Variants in RAB5A observed in about 807,000 individuals in gnomAD.
RAB5A encodes ras-related protein Rab-5A.
RAB5A carries 8 observed loss-of-function variants against 25.7 expected under a neutral mutation model. The observed-to-expected ratio is 0.31, with a 90% CI of 0.18 to 0.56. The LOEUF is 0.56. Ranked by LOEUF, RAB5A falls within the 20% of genes least tolerant of loss-of-function variation. The probability of loss-of-function intolerance (pLI) is 0.91; values close to 1 mark genes in which losing one functional copy is unlikely to be tolerated. For missense variants in RAB5A, 192 were observed against 259.7 expected, an observed-to-expected ratio of 0.74 and a Z score of 1.79; for synonymous variants, 98 against 89.8, an observed-to-expected ratio of 1.09 and a Z score of -0.52.
chr3:19,983,219 C>G (rs976271649), intron 5 of RAB5A, among the ~76,000 whole-genome samples: 6 of 151,834 alleles, frequency 4.0e-5, no homozygotes, highest in African/African-American at 1.5e-4. Flanking sequence ...GCCTGTAATT[C>G]CAGCTACTCG....
At chr3:19,983,171 T>C (rs1696963656) in intron 5 of RAB5A, among the ~76,000 whole-genome samples, 1 of 151,912 alleles carries the variant, frequency 6.6e-6, no homozygotes, top group African/African-American at 2.4e-5. Flanking sequence ...ACCCCGTCTC[T>C]ACTAAAAAAC....
chr3:19,951,782 C>T (rs1186903955), intron 2 of RAB5A, among the ~76,000 whole-genome samples: 1 of 147,306 alleles, frequency 6.8e-6, no homozygotes, highest in Admixed American at 6.9e-5. Flanking sequence ...AGTGAGCCTC[C>T]AGCCTCAACC....
At position 19,984,659 on chromosome 3, in the gene RAB5A, A is replaced by AT. The variant is rs1696998467; in HGVS notation, c.*836_*837insT. ...TTGACATAATATAGTCAATGCACTA[A>AT]CAATTATGTATATTCAAACTTGATT... On this transcript the variant is annotated 3_prime_UTR_variant, in exon 6 of 6. Transcript: ENST00000273047. The AT allele has an allele frequency of 6.4e-6, 1 of 157,152 alleles. No individual in the cohort carries two copies. Among genetic ancestry groups the AT allele is most frequent in the Non-Finnish European group, 1.4e-5 (1 of 71,268 alleles). The allele number at this position is 157,152 out of a possible 1,614,324, so 9.7% of individuals were successfully genotyped here.
chr3:19,950,855 T>C lies in RAB5A; in HGVS notation c.-44T>C. 1 of 1,560,932 alleles carries C rather than the reference T, an allele frequency of 6.4e-7. No individual in the cohort carries two copies. Among genetic ancestry groups the C allele is most frequent in the Non-Finnish European group, 8.7e-7 (1 of 1,150,876 alleles). On this transcript the variant is annotated 5_prime_UTR_variant, in exon 2 of 6. Transcript: ENST00000273047. ...ATATTGGCCCCTTGAATTCTGGAAG[T>C]TCATTGAAGAGTCTGAAATTAGGGA...
chr3:19,958,549 A>G (rs1350455380), intron 2 of RAB5A, among the ~76,000 whole-genome samples: 2 of 152,226 alleles, frequency 1.3e-5, no homozygotes, highest in Admixed American at 1.3e-4. Flanking sequence ...AACTCTAGGT[A>G]AGGATTCTTG....
At chr3:19,950,454 C>G (rs1696406864) in intron 1 of RAB5A, among the ~76,000 whole-genome samples, 1 of 152,210 alleles carries the variant, frequency 6.6e-6, no homozygotes, top group African/African-American at 2.4e-5. Context: ...TCTGTCACTT[C>G]TGTGACAATA....
chr3:19,952,846 T>A (rs537289297), intron 2 of RAB5A, among the ~76,000 whole-genome samples: 2 of 152,288 alleles, frequency 1.3e-5, no homozygotes, highest in Admixed American at 1.3e-4. Flanking sequence ...AAATACTACT[T>A]CTCAAGAAGG....
rs183136613 is a variant in RAB5A, at chr3:19,954,536, C to T, written c.163+3475C>T. Among the ~76,000 whole-genome samples the T allele has an allele frequency of 4.3e-4, 65 of 152,196 alleles. 1 individual carries two copies. The highest frequency in any genetic ancestry group is 1.5e-3 in the African/African-American group (63 of 41,518). On this transcript the variant is annotated intron_variant, in intron 2 of 5. Coordinates refer to ENST00000273047, the MANE Select transcript of RAB5A (RefSeq NM_004162.5). Reference sequence around the variant, plus strand: ...TAACTTGATTTACGAATTCCTGTTGCGCTGTGTGCGGTGGCTTGCATCTGT... The same window carrying T: ...TAACTTGATTTACGAATTCCTGTTGTGCTGTGTGCGGTGGCTTGCATCTGT...
At chr3:19,976,979 C>T (rs1385409048) in intron 4 of RAB5A, among the ~76,000 whole-genome samples, 1 of 151,960 alleles carries the variant, frequency 6.6e-6, no homozygotes, top group Non-Finnish European at 1.5e-5. Flanking sequence ...CTGAGAAAAT[C>T]CAGTTTTGTA....
chr3:19,976,168 A>C lies in RAB5A; in HGVS notation c.437A>C (p.Gln146Pro). 1 of 1,603,898 alleles carries C rather than the reference A, an allele frequency of 6.2e-7. No homozygotes were observed. Among genetic ancestry groups the C allele is most frequent in the Non-Finnish European group, 8.5e-7 (1 of 1,177,178 alleles). Residue 146 changes from glutamine to proline, a missense_variant and splice_region_variant, in exon 4 of 6, where the codon CAG (glutamine) becomes CCG (proline). By Grantham distance (76) the Gln-to-Pro change is moderately conservative. Transcript: ENST00000273047. ...DLANKRAVDFQEAQSYADDNS... is the reference protein window; with the variant it reads ...DLANKRAVDFPEAQSYADDNS... ...GCAAATAAAAGAGCAGTAGATTTCC[A>C]GGTATGTTAAATTTAACTCTCATTT...
Position 19,983,992 on chromosome 3 carries a change from C to T in RAB5A, c.*169C>T, listed in dbSNP as rs1696983334. ...GTGTTTTGAACTTAATTTTTAATAA[C>T]ATGCATGGGTCCCTCTCACTAATGT... On this transcript the variant is annotated 3_prime_UTR_variant, in exon 6 of 6. Transcript: ENST00000273047. 1.8e-6 allele frequency: 1 copy of T among 571,010 alleles called. No homozygotes were observed. The highest frequency in any genetic ancestry group is 3.2e-6 in the Non-Finnish European group (1 of 315,000). The allele number at this position is 571,010 out of a possible 1,614,324, so 35.4% of individuals were successfully genotyped here.
intron 4 of RAB5A, among the ~76,000 whole-genome samples, chr3:19,977,628 A>G (rs1409571449): frequency 6.6e-6 from 1 of 152,198 alleles, no homozygotes; most frequent in Non-Finnish European, 1.5e-5. Flanking sequence ...TCCCAGCACA[A>G]GAGTGGCAGA....
intron 2 of RAB5A, among the ~76,000 whole-genome samples, chr3:19,955,367 G>A (rs6790297): frequency 1 from 151,951 of 152,356 alleles, 75,774 homozygotes; most frequent in Middle Eastern, 1. Context: ...CTCAAAGAGC[G>A]TTCCCACTTC....
chr3:19,968,541 C>G (rs1696692196), intron 2 of RAB5A, among the ~76,000 whole-genome samples: 1 of 152,220 alleles, frequency 6.6e-6, no homozygotes, highest in Non-Finnish European at 1.5e-5. Flanking sequence ...TCACTGCAAC[C>G]TCCGCCTCCA....
At chr3:19,983,257 A>G (rs1696965711) in intron 5 of RAB5A, among the ~76,000 whole-genome samples, 1 of 148,810 alleles carries the variant, frequency 6.7e-6, no homozygotes, top group Non-Finnish European at 1.5e-5. Flanking sequence ...AATCACTTGA[A>G]CCCAGGAGGT....
rs148025995 is a variant in RAB5A, at chr3:19,964,674, C to T, written c.164-10927C>T. The stretch of plus-strand genomic sequence containing the variant: ...AGTCACCCAGGGTGGAGTGCAGTGG[C>T]GTGATCTTGGCTCACTGCAACCTCT... On this transcript the variant is annotated intron_variant, in intron 2 of 5. Coordinates refer to ENST00000273047, the MANE Select transcript of RAB5A (RefSeq NM_004162.5). Among the ~76,000 whole-genome samples, 372 of 152,176 alleles carry T rather than the reference C, an allele frequency of 2.4e-3. 8 individuals carry two copies. The highest frequency in any genetic ancestry group is 7.4e-4 in the Non-Finnish European group (50 of 67,996).
chr3:19,953,919 G>A (rs1052697986), intron 2 of RAB5A, among the ~76,000 whole-genome samples: 1 of 152,190 alleles, frequency 6.6e-6, no homozygotes, highest in Non-Finnish European at 1.5e-5. Flanking sequence ...AACCTGAAAG[G>A]GCCATAACTT....
Position 19,947,428 on chromosome 3 carries a change from C to G in RAB5A, c.-187C>G. On this transcript the variant is annotated 5_prime_UTR_variant, in exon 1 of 6. Coordinates refer to ENST00000273047, the MANE Select transcript of RAB5A (RefSeq NM_004162.5). ...GCAGGCGACGCCGCCGCCGCCACCA[C>G]CACCGCCATAGATACACTCTCATCC... is the stretch of plus-strand genomic sequence containing the variant. The G allele has an allele frequency of 6.3e-6, 1 of 157,524 alleles. No individual in the cohort carries two copies. Among genetic ancestry groups the G allele is most frequent in the Non-Finnish European group, 1.4e-5 (1 of 71,884 alleles). 9.8% of individuals were successfully genotyped at this position (157,524 alleles called of 1,614,324 possible). A position where few individuals can be genotyped will look rare whatever the true frequency, so the allele number is the denominator to read the frequency against.
chr3:19,978,918 A>G (rs1696869879), intron 5 of RAB5A: 2 of 152,204 alleles, frequency 1.3e-5, no homozygotes, highest in South Asian at 2.1e-4. Context: ...AACAACATCC[A>G]TACTTTATAT....
Sources: allele counts gnomAD v4.1 joint callset (sites outside exome capture counted in the v4.1 genomes callset), GRCh38; gene constraint gnomAD v4.1.1; transcripts MANE v1.5; gene names NCBI Gene and HGNC (gene_info 2026-07-23, HGNC 2026-07-21).